The following TBX4 variants were observed in gnomAD, a reference collection of about 807,000 sequenced individuals.
TBX4 encodes T-box transcription factor 4, also known as T-box transcription factor TBX4.
A neutral mutation model predicts 54.6 loss-of-function variants in TBX4; 13 were observed. The ratio of observed to expected loss-of-function variants is 0.24; its 90% confidence interval spans 0.15 to 0.38. The LOEUF (loss-of-function observed/expected upper bound fraction) is 0.38. Among genes scored for constraint, TBX4 ranks in the 10% least tolerant of loss-of-function variants. The pLI is 1.00. For synonymous variants in TBX4, 314 were observed against 306.7 expected, an observed-to-expected ratio of 1.02 and a Z score of -0.25; for missense variants, 631 against 728.5, an observed-to-expected ratio of 0.87 and a Z score of 1.54.
intron 1 of TBX4, among the ~76,000 whole-genome samples, chr17:61,454,691 T>A (rs2060434525): frequency 6.6e-6 from 1 of 152,192 alleles, no homozygotes. Context: ...CCGGCGTCAG[T>A]GGACGCGGGC....
In TBX4 at chr17:61,483,652, GTATACACGAGCA is replaced by G. The variant is rs2060683763; in HGVS notation, c.*138_*149del. 8.1e-4 allele frequency: 825 copies of G among 1,023,302 alleles called. No homozygotes were observed. Among genetic ancestry groups the G allele is most frequent in the South Asian group, 9.3e-4 (64 of 68,806 alleles). The allele number at this position is 1,023,302 out of a possible 1,614,324, so 63.4% of individuals were successfully genotyped here. On this transcript the variant is annotated 3_prime_UTR_variant, in exon 9 of 9. Coordinates refer to ENST00000644296, the MANE Select transcript of TBX4 (RefSeq NM_001321120.2). The surrounding 1 kb of genome is among the most constrained non-coding windows in gnomAD (Gnocchi z 6.6). ...TGTGTGTGTGTGTGTGTGTGTGTGT[GTATACACGAGCA>G]TGTATGTATTTGGAGAGCATCCATC... is the stretch of plus-strand genomic sequence containing the variant.
In TBX4 at chr17:61,457,693, C is replaced by A; in HGVS notation, c.281+62C>A. 6.6e-7 allele frequency: 1 copy of A among 1,516,660 alleles called. No individual in the cohort carries two copies. The highest frequency in any genetic ancestry group is 1.1e-5 in the South Asian group (1 of 87,722). 94.0% of individuals were successfully genotyped at this position (1,516,660 alleles called of 1,614,324 possible). Reference sequence around the variant, plus strand: ...GGGGAGCAAGGGGGGCCAGGGAGGTCCCTTAGAAGTCCTCTCGGCCCCGGC... The same window carrying A: ...GGGGAGCAAGGGGGGCCAGGGAGGTACCTTAGAAGTCCTCTCGGCCCCGGC... On this transcript the variant is annotated intron_variant, in intron 3 of 8. Transcript: ENST00000644296. The surrounding 1 kb of genome is among the most constrained non-coding windows in gnomAD (Gnocchi z 8.2).
At chr17:61,456,307 G>A in intron 1 of TBX4, 181 bp from the exon 2 acceptor site, 1 of 724,358 alleles carries the variant, frequency 1.4e-6, no homozygotes, top group Non-Finnish European at 2.4e-6. Flanking sequence ...CCTGAAGGGA[G>A]GAGGCGAGGG....
At chr17:61,458,288 A>C in intron 3 of TBX4, among the ~76,000 whole-genome samples, 1 of 116,466 alleles carries the variant, frequency 8.6e-6, no homozygotes, top group African/African-American at 3.4e-5. Context: ...GAGGAGGAAG[A>C]CTCACGGCGG....
rs534915926 is a variant in TBX4, at chr17:61,460,935, G to A, written c.281+3304G>A. On this transcript the variant is annotated intron_variant, in intron 3 of 8. Transcript: ENST00000644296. This position sits in a 1 kb window ranked among gnomAD's most constrained non-coding sequence, Gnocchi z 4.4. ...TGAGAACTCCTGTTGAACCTGTATTGTTTGTTATTCTGAGGCAAGGATTTG... is the reference window on the plus strand; with the variant it reads ...TGAGAACTCCTGTTGAACCTGTATTATTTGTTATTCTGAGGCAAGGATTTG... Among the ~76,000 whole-genome samples, 8 of 152,282 alleles carry A rather than the reference G, an allele frequency of 5.3e-5. No individual in the cohort carries two copies. In the South Asian group the frequency reaches 8.3e-4, roughly 16 times the overall value.
At chr17:61,463,812 G>A (rs1249728251) in intron 3 of TBX4, among the ~76,000 whole-genome samples, 1 of 152,216 alleles carries the variant, frequency 6.6e-6, no homozygotes, top group African/African-American at 2.4e-5. Context: ...CTGTTTCTGT[G>A]GCAGTTACAA....
At position 61,480,404 on chromosome 17, in the gene TBX4, C is replaced by G. The variant is rs543641569; in HGVS notation, c.1021+85C>G. ...AAACCACTCTGCAGCGCCCCCCCCC[C>G]CAACACACACACACTCATCTCGTGC... On this transcript the variant is annotated intron_variant, in intron 8 of 8. Transcript: ENST00000644296. The surrounding 1 kb of genome is among the most constrained non-coding windows in gnomAD (Gnocchi z 6.2). The G allele has an allele frequency of 5.0e-4, 505 of 1,018,396 alleles. 4 individuals carry two copies. In the African/African-American group the frequency reaches 5.4e-3, roughly 11 times the overall value. 63.1% of individuals were successfully genotyped at this position (1,018,396 alleles called of 1,614,324 possible).
intron 1 of TBX4, among the ~76,000 whole-genome samples, chr17:61,455,970 G>GCCTGAGGT (rs1365524136): frequency 1.3e-5 from 2 of 152,170 alleles, no homozygotes; most frequent in African/African-American, 4.8e-5. Context: ...GGTGAGCTGG[G>GCCTGAGGT]CCTGAGGTCC....
rs1432114446 is a variant in TBX4, at chr17:61,456,668, G to A, written c.178G>A (p.Ala60Thr). The change falls in exon 2 of 9, where the codon GCG becomes ACG. Residue 60 changes from alanine (A) to threonine (T), a missense_variant. Physicochemically the swap from Ala to Thr is moderately conservative, Grantham distance 58. Coordinates refer to ENST00000644296, the MANE Select transcript of TBX4 (RefSeq NM_001321120.2). ...PGADVVAAAA[A>T]EQTIENIKVG... ...GGCCGACGTCGTCGCCGCCGCCGCC[G>A]CGGAGCAGGTAGGGCTGCGCCAGCC... 5.1e-6 allele frequency: 7 copies of A among 1,360,520 alleles called. No homozygotes were observed. In the East Asian group the frequency reaches 1.6e-4, roughly 31 times the overall value. The allele number at this position is 1,360,520 out of a possible 1,614,324, so 84.3% of individuals were successfully genotyped here. A position where few individuals can be genotyped will look rare whatever the true frequency, so the allele number is the denominator to read the frequency against.
At position 61,474,694 on chromosome 17, in the gene TBX4, T is replaced by C. The variant is rs1459296402; in HGVS notation, c.550-3933T>C. On this transcript the variant is annotated intron_variant, in intron 5 of 8. Transcript: ENST00000644296. This position sits in a 1 kb window ranked among gnomAD's most constrained non-coding sequence, Gnocchi z 4.6. ...TGACGGAACCAGTCATGTAGTGGGG[T>C]TGTTGACGTGGCTGGCCCATTTGGC... Among the ~76,000 whole-genome samples the C allele has an allele frequency of 6.6e-6, 1 of 152,108 alleles. No homozygotes were observed. Among genetic ancestry groups the C allele is most frequent in the Admixed American group, 6.6e-5 (1 of 15,264 alleles).
Position 61,474,645 on chromosome 17 carries a change from A to G in TBX4, c.550-3982A>G, listed in dbSNP as rs1006615808. Among the ~76,000 whole-genome samples the G allele has an allele frequency of 3.3e-5, 5 of 152,254 alleles. No individual in the cohort carries two copies. Among genetic ancestry groups the G allele is most frequent in the African/African-American group, 1.2e-4 (5 of 41,470 alleles). ...TCTGAATTGTGGCCAGAACATAATG[A>G]ATCCCATTTCTGTGAAACGATGATG... On this transcript the variant is annotated intron_variant, in intron 5 of 8. Transcript: ENST00000644296. The surrounding 1 kb of genome is among the most constrained non-coding windows in gnomAD (Gnocchi z 4.6).
chr17:61,462,343 C>A lies in TBX4; in HGVS notation c.282-3476C>A, dbSNP rs1201883671. ...CTGGCGGAGCCGTTTCCGCGTGTGC[C>A]GTGGGGAGGGCGGGGGAGCCCCCAT... On this transcript the variant is annotated intron_variant, in intron 3 of 8. Coordinates refer to ENST00000644296, the MANE Select transcript of TBX4 (RefSeq NM_001321120.2). This position sits in a 1 kb window ranked among gnomAD's most constrained non-coding sequence, Gnocchi z 4.5. Among the ~76,000 whole-genome samples the A allele has an allele frequency of 6.9e-6, 1 of 145,048 alleles. No individual in the cohort carries two copies. Among genetic ancestry groups the A allele is most frequent in the Non-Finnish European group, 1.5e-5 (1 of 65,834 alleles).
intron 5 of TBX4, among the ~76,000 whole-genome samples, chr17:61,470,297 C>T (rs760952708): frequency 6.6e-5 from 10 of 152,162 alleles, no homozygotes; most frequent in Non-Finnish European, 1.0e-4. Flanking sequence ...CCCTGACTGT[C>T]GGGGAGGGGG....
intron 1 of TBX4, chr17:61,453,077 A>T: frequency 1.2e-6 from 1 of 808,664 alleles, no homozygotes; most frequent in Non-Finnish European, 1.5e-6. Flanking sequence ...ATAATGATCG[A>T]TGATTAAAGA....
In TBX4 at chr17:61,473,790, A is replaced by G. The variant is rs918834992; in HGVS notation, c.550-4837A>G. ...CCTACTTTATACGGATACTGTAAAGATTAATTTTATGGTGAATGTAAATGG... is the reference window on the plus strand; with the variant it reads ...CCTACTTTATACGGATACTGTAAAGGTTAATTTTATGGTGAATGTAAATGG... On this transcript the variant is annotated intron_variant, in intron 5 of 8. Coordinates refer to ENST00000644296, the MANE Select transcript of TBX4 (RefSeq NM_001321120.2). Among the ~76,000 whole-genome samples, 7 of 152,234 alleles carry G rather than the reference A, an allele frequency of 4.6e-5. No homozygotes were observed. The East Asian group carries it at 1.3e-3, about 29-fold the overall frequency.
intron 1 of TBX4, 159 bp from the exon 2 acceptor site, chr17:61,456,329 T>C (rs993619929): frequency 2.1e-6 from 2 of 941,658 alleles, no homozygotes; most frequent in Non-Finnish European, 3.3e-6. Context: ...CCTGCCTTCC[T>C]TGCGGGTTCC....
Position 61,483,096 on chromosome 17 carries a change from G to A in TBX4, c.1221G>A (p.Gly407=), listed in dbSNP as rs1433351715. 1 of 1,614,108 alleles carries A rather than the reference G, an allele frequency of 6.2e-7. No individual in the cohort carries two copies. The highest frequency in any genetic ancestry group is 8.5e-7 in the Non-Finnish European group (1 of 1,180,024). The part of the protein sequence containing the change: ...GSGPEIAGVS[G]VDDLPPPPLS... ...GGCCCGAGATTGCCGGGGTGTCTGG[G>A]GTGGACGACCTGCCCCCACCTCCGC... Residue 407 remains glycine (G), a synonymous_variant, in exon 9 of 9, where the codon GGG becomes GGA. Transcript: ENST00000644296. This position sits in a 1 kb window ranked among gnomAD's most constrained non-coding sequence, Gnocchi z 6.6.
chr17:61,464,463 G>C lies in TBX4; in HGVS notation c.282-1356G>C, dbSNP rs1318950375. On this transcript the variant is annotated intron_variant, in intron 3 of 8. Coordinates refer to ENST00000644296, the MANE Select transcript of TBX4 (RefSeq NM_001321120.2). The surrounding 1 kb of genome is among the most constrained non-coding windows in gnomAD (Gnocchi z 5.8). ...TAGGGGCCTCTGATCAGCTGTTTGT[G>C]GCATCTTGGACAGCTTCTCCAGGGT... is the stretch of plus-strand genomic sequence containing the variant. 1 of 152,336 alleles carries C rather than the reference G, an allele frequency of 6.6e-6. No individual in the cohort carries two copies. The highest frequency in any genetic ancestry group is 1.5e-5 in the Non-Finnish European group (1 of 68,136). The allele number at this position is 152,336 out of a possible 1,614,324, so 9.4% of individuals were successfully genotyped here. A position where few individuals can be genotyped will look rare whatever the true frequency, so the allele number is the denominator to read the frequency against.
rs2060449710 is a variant in TBX4 at position 61,456,427 on chromosome 17, C to G, written c.-3-61C>G. ...AAGTCCCGGAATCGGCTGGAGAGGG[C>G]CAGGGGTCCTCTGGCGAGTGTGGAC... is the stretch of plus-strand genomic sequence containing the variant. On this transcript the variant is annotated intron_variant, in intron 1 of 8. Coordinates refer to ENST00000644296, the MANE Select transcript of TBX4 (RefSeq NM_001321120.2). 1.1e-5 allele frequency: 17 copies of G among 1,537,226 alleles called. No homozygotes were observed. In the South Asian group the frequency reaches 2.0e-4, roughly 18 times the overall value.
Sources: allele counts gnomAD v4.1 joint callset (sites outside exome capture counted in the v4.1 genomes callset), GRCh38; gene constraint gnomAD v4.1.1; non-coding constraint Gnocchi (gnomAD v3.1); transcripts MANE v1.5; gene names NCBI Gene and HGNC (gene_info 2026-07-23, HGNC 2026-07-21).